The following KAZN variants were observed in gnomAD, a reference collection of about 807,000 sequenced individuals.
KAZN encodes the protein kazrin, periplakin interacting protein, also known as kazrin.
KAZN carries 40 observed loss-of-function variants against 87.4 expected under a neutral mutation model. The ratio of observed to expected loss-of-function variants is 0.46; its 90% CI spans 0.36 to 0.60. The LOEUF is 0.60. Among genes scored for constraint, KAZN ranks in the 20% least tolerant of loss-of-function variants. KAZN has a pLI of 0.00. For synonymous variants in KAZN, 466 were observed against 458.3 expected (o/e 1.02, Z -0.22); for missense variants, 898 against 1,073.9 (o/e 0.84, Z 2.29).
chr1:14,822,764 C>A (rs144484408), intron 1 of KAZN, among the ~76,000 whole-genome samples: 1 of 152,176 alleles, frequency 6.6e-6, no homozygotes, highest in Non-Finnish European at 1.5e-5. Flanking sequence ...TTCCCACTCA[C>A]CTCCATCGCT....
chr1:14,636,045 A>G (rs967813082), intron 1 of KAZN, among the ~76,000 whole-genome samples: 1 of 152,208 alleles, frequency 6.6e-6, no homozygotes, highest in Non-Finnish European at 1.5e-5. Context: ...CCACACTTCA[A>G]CACCAACCTC....
intron 2 of KAZN, among the ~76,000 whole-genome samples, chr1:14,321,305 C>T (rs952479493): frequency 6.6e-6 from 1 of 152,154 alleles, no homozygotes; most frequent in Non-Finnish European, 1.5e-5. Flanking sequence ...CAGAACATTT[C>T]GTATCGCGAA....
intron 1 of KAZN, among the ~76,000 whole-genome samples, chr1:14,926,191 T>C (rs1659152888): frequency 6.6e-6 from 1 of 152,204 alleles, no homozygotes; most frequent in Non-Finnish European, 1.5e-5. Context: ...TCATGAACTA[T>C]GTCAAGATGA....
chr1:14,743,124 G>A (rs539985422), intron 1 of KAZN, among the ~76,000 whole-genome samples: 1 of 152,150 alleles, frequency 6.6e-6, no homozygotes, highest in African/African-American at 2.4e-5. Context: ...TTCCATGGGG[G>A]TCAGGATCAG....
rs116970893 is a variant in KAZN at position 14,378,203 on chromosome 1, T to C, written c.249+197611T>C. On this transcript the variant is annotated intron_variant, in intron 2 of 16. Coordinates refer to the KAZN transcript ENST00000636203. ...TTTATGGAATTTCAGCAAGACCTGA[T>C]AGATTTTGGAAAATATGCTTATCAG... Among the ~76,000 whole-genome samples, 56 of 152,318 alleles carry C rather than the reference T, an allele frequency of 3.7e-4. No homozygotes were observed. In the East Asian group the frequency reaches 0.01, roughly 28 times the overall value.
chr1:14,598,926 C>T lies in KAZN; in HGVS notation c.-72C>T, dbSNP rs1676711886. 1.2e-5 allele frequency: 19 copies of T among 1,553,148 alleles called. No individual in the cohort carries two copies. Among genetic ancestry groups the T allele is most frequent in the Non-Finnish European group, 1.6e-5 (19 of 1,154,490 alleles). On this transcript the variant is annotated 5_prime_UTR_variant, in exon 1 of 15. Coordinates refer to ENST00000376030, the MANE Select transcript of KAZN (RefSeq NM_201628.3). The surrounding 1 kb of genome is among the most constrained non-coding windows in gnomAD (Gnocchi z 4.2). ...GACACAACAGGTAGAGCCGGGGGTG[C>T]CCGGCCGCGCGCCCCCCGCGCATCA...
At chr1:13,913,138 G>T (rs1639714394) in intron 1 of KAZN, among the ~76,000 whole-genome samples, 1 of 152,066 alleles carries the variant, frequency 6.6e-6, no homozygotes, top group African/African-American at 2.4e-5. Flanking sequence ...GCATCTACTG[G>T]TTTCCCCCAA....
At chr1:14,448,817 A>G (rs1178983337) in intron 2 of KAZN, among the ~76,000 whole-genome samples, 1 of 152,184 alleles carries the variant, frequency 6.6e-6, no homozygotes, top group Non-Finnish European at 1.5e-5. Flanking sequence ...ACAGGCAAGC[A>G]CACTTCTTTG....
At chr1:14,550,320 G>A (rs990542366) in intron 2 of KAZN, among the ~76,000 whole-genome samples, 2 of 152,106 alleles carry the variant, frequency 1.3e-5, no homozygotes, top group Non-Finnish European at 2.9e-5. Flanking sequence ...TAATGCAAAA[G>A]AGAATGGAAC....
At chr1:14,798,091 G>A (rs926785463) in intron 1 of KAZN, among the ~76,000 whole-genome samples, 4 of 152,134 alleles carry the variant, frequency 2.6e-5, no homozygotes, top group African/African-American at 9.7e-5. Flanking sequence ...GAGTGCCAGA[G>A]GCAAGTTTCA....
chr1:14,324,312 A>G (rs767390866), intron 2 of KAZN, among the ~76,000 whole-genome samples: 9 of 152,176 alleles, frequency 5.9e-5, no homozygotes, highest in Non-Finnish European at 1.0e-4. Context: ...AGTATTAGTG[A>G]TTAGCTACTT....
intron 10 of KAZN, 84 bp downstream of exon 10, chr1:15,095,017 A>T (rs1351393795): frequency 1.1e-6 from 1 of 928,284 alleles, no homozygotes; most frequent in Admixed American, 2.1e-5. Context: ...TGAGCGGGGC[A>T]CTGTGGGCTG....
intron 2 of KAZN, among the ~76,000 whole-genome samples, chr1:14,280,296 G>A (rs554545895): frequency 5.5e-5 from 8 of 146,366 alleles, no homozygotes; most frequent in African/African-American, 1.3e-4. Context: ...ACTTGAACCC[G>A]GGAGGCGGAG....
At chr1:14,982,579 G>A (rs546014372) in intron 2 of KAZN, among the ~76,000 whole-genome samples, 5 of 152,112 alleles carry the variant, frequency 3.3e-5, no homozygotes, top group South Asian at 2.1e-4. Flanking sequence ...ACAGGCATGC[G>A]CCACCACGCC....
chr1:13,987,944 T>C (rs1306122275), intron 1 of KAZN, among the ~76,000 whole-genome samples: 1 of 152,192 alleles, frequency 6.6e-6, no homozygotes, highest in Non-Finnish European at 1.5e-5. Context: ...TTGTGCTGTG[T>C]CATCCCATGG....
intron 2 of KAZN, among the ~76,000 whole-genome samples, chr1:14,370,458 C>A (rs990934142): frequency 1.3e-5 from 2 of 152,192 alleles, no homozygotes; most frequent in Non-Finnish European, 2.9e-5. Context: ...CCCCAAGGAA[C>A]CTCTGCCATG....
At chr1:13,926,220 C>T (rs144310766) in intron 1 of KAZN, among the ~76,000 whole-genome samples, 102 of 152,170 alleles carry the variant, frequency 6.7e-4, no homozygotes, top group African/African-American at 2.3e-3. Flanking sequence ...CCTGGCTCAC[C>T]GTGCTGTTAC....
chr1:14,638,654 C>T (rs1194939159), intron 1 of KAZN, among the ~76,000 whole-genome samples: 2 of 151,932 alleles, frequency 1.3e-5, no homozygotes, highest in African/African-American at 2.4e-5. Flanking sequence ...GGGAAATGAC[C>T]GTGTATGTTT....
At chr1:14,429,208 A>G (rs750654072) in intron 2 of KAZN, among the ~76,000 whole-genome samples, 2 of 152,210 alleles carry the variant, frequency 1.3e-5, no homozygotes, top group Non-Finnish European at 2.9e-5. Context: ...TCCTAAGAAT[A>G]GCAGGGTGAA....
Sources: allele counts gnomAD v4.1 joint callset (sites outside exome capture counted in the v4.1 genomes callset), GRCh38; gene constraint gnomAD v4.1.1; non-coding constraint Gnocchi (gnomAD v3.1); transcripts MANE v1.5; gene names NCBI Gene and HGNC (gene_info 2026-07-23, HGNC 2026-07-21).